The following ITPR1 variants were observed in gnomAD, a reference collection of about 807,000 sequenced individuals.
ITPR1 encodes the protein inositol 1,4,5-trisphosphate-gated calcium channel ITPR1.
In ITPR1, 96 loss-of-function variants were observed where a neutral mutation model predicts 318.4. The observed-to-expected ratio is 0.30, with a 90% CI of 0.26 to 0.36. ITPR1 has a LOEUF of 0.36. Ranked by LOEUF, ITPR1 falls within the 10% of genes least tolerant of loss-of-function variation. ITPR1 has a pLI of 1.00. For missense variants in ITPR1, 2,440 were observed against 3,460.2 expected (o/e 0.71, Z 7.40); for synonymous variants, 1,312 against 1,289.9 (o/e 1.02, Z -0.37).
At chr3:4,586,531 A>G (rs532957436) in intron 4 of ITPR1, among the ~76,000 whole-genome samples, 2 of 131,052 alleles carry the variant, frequency 1.5e-5, no homozygotes, top group East Asian at 2.2e-4. Flanking sequence ...TTTTTTTGAG[A>G]CAAGGTCTTG....
intron 4 of ITPR1, among the ~76,000 whole-genome samples, chr3:4,624,078 G>T (rs1471782521): frequency 6.6e-6 from 1 of 152,154 alleles, no homozygotes; most frequent in Non-Finnish European, 1.5e-5. Context: ...GCTTTCCATT[G>T]TCTGTTATCC....
At chr3:4,842,183 T>A (rs1224843499) in intron 61 of ITPR1, among the ~76,000 whole-genome samples, 1 of 152,274 alleles carries the variant, frequency 6.6e-6, no homozygotes, top group African/African-American at 2.4e-5. Flanking sequence ...ATGAACAGTC[T>A]TTCAGATGTC....
At chr3:4,762,961 G>A (rs2045556565) in intron 44 of ITPR1, among the ~76,000 whole-genome samples, 1 of 152,156 alleles carries the variant, frequency 6.6e-6, no homozygotes, top group Non-Finnish European at 1.5e-5. Context: ...ATGATAGACT[G>A]GATAAAGAAA....
chr3:4,591,823 T>C (rs1280017915), intron 4 of ITPR1, among the ~76,000 whole-genome samples: 1 of 152,214 alleles, frequency 6.6e-6, no homozygotes, highest in East Asian at 1.9e-4. Context: ...TTGAACATAA[T>C]GGCTCACTTC....
intron 10 of ITPR1, 60 bp from the exon 11 acceptor site, chr3:4,652,063 A>G (rs2093609570): frequency 7.7e-7 from 1 of 1,297,898 alleles, no homozygotes; most frequent in African/African-American, 1.5e-5. Flanking sequence ...GATACCTCCG[A>G]TTTAATGTCT....
chr3:4,700,567 A>G lies in ITPR1; in HGVS notation c.4536+626A>G, dbSNP rs6762558. On this transcript the variant is annotated intron_variant, in intron 35 of 61. Transcript: ENST00000649015. ...ATGGAGGATGGGATGTAAAAGAGGC[A>G]GAACAAGATCAGGAGTTTTCATGCA... is the stretch of plus-strand genomic sequence containing the variant. 0.33 allele frequency among the ~76,000 whole-genome samples: 49,783 copies of G among 152,070 alleles called. 8,586 individuals are homozygous for G. Among genetic ancestry groups the G allele is most frequent in the Non-Finnish European group, 0.38 (26,109 of 67,966 alleles).
At chr3:4,680,510 G>GT in intron 24 of ITPR1, 43 bp from the exon 25 acceptor site, 1 of 1,595,578 alleles carries the variant, frequency 6.3e-7, no homozygotes, top group South Asian at 1.1e-5. Context: ...AAGATGGTAT[G>GT]TTAATGTAAC....
At chr3:4,748,217 C>T (rs540671934) in intron 44 of ITPR1, among the ~76,000 whole-genome samples, 52 of 152,312 alleles carry the variant, frequency 3.4e-4, no homozygotes, top group African/African-American at 1.3e-3. Flanking sequence ...TCTCAGCTTT[C>T]TCCCATGCTA....
intron 42 of ITPR1, among the ~76,000 whole-genome samples, chr3:4,732,386 A>T (rs535965842): frequency 6.6e-5 from 10 of 152,332 alleles, no homozygotes; most frequent in African/African-American, 2.4e-4. Context: ...CTGTCAGCTC[A>T]TGCCCACTCT....
chr3:4,766,765 G>C, intron 45 of ITPR1, 55 bp downstream of exon 45: 3 of 1,377,922 alleles, frequency 2.2e-6, no homozygotes, highest in Non-Finnish European at 3.0e-6. Flanking sequence ...AAGAGTCCTT[G>C]TTATCCTTCA....
chr3:4,556,832 G>A (rs1055990053), intron 4 of ITPR1, among the ~76,000 whole-genome samples: 3 of 152,090 alleles, frequency 2.0e-5, no homozygotes, highest in Admixed American at 6.6e-5. Context: ...TAAATACCAA[G>A]GATCATCAGA....
intron 55 of ITPR1, among the ~76,000 whole-genome samples, chr3:4,810,414 G>A (rs1357361844): frequency 6.6e-6 from 1 of 152,162 alleles, no homozygotes; most frequent in East Asian, 1.9e-4. Flanking sequence ...TACCTACAAG[G>A]ATCCTCCATT....
chr3:4,563,211 A>T (rs748034735), intron 4 of ITPR1, among the ~76,000 whole-genome samples: 22 of 152,102 alleles, frequency 1.4e-4, no homozygotes, highest in Middle Eastern at 3.2e-3. Context: ...AGTAGTCAAG[A>T]CCATGTAAAA....
chr3:4,531,979 A>T (rs916769417), intron 4 of ITPR1, among the ~76,000 whole-genome samples: 3 of 152,192 alleles, frequency 2.0e-5, no homozygotes, highest in Non-Finnish European at 4.4e-5. Context: ...AAAATGGGGA[A>T]ATTATTATGT....
intron 4 of ITPR1, among the ~76,000 whole-genome samples, chr3:4,596,792 C>T (rs1160765605): frequency 2.0e-5 from 3 of 152,176 alleles, no homozygotes. Context: ...CCTCCATGCT[C>T]ATTATATAGG....
chr3:4,827,254 A>G (rs1445796560), intron 60 of ITPR1, among the ~76,000 whole-genome samples: 2 of 152,052 alleles, frequency 1.3e-5, no homozygotes, highest in African/African-American at 4.8e-5. Flanking sequence ...TCCTAACTAC[A>G]TTTGTAACTC....
chr3:4,774,735 C>G (rs533509468), intron 46 of ITPR1, among the ~76,000 whole-genome samples: 5 of 152,236 alleles, frequency 3.3e-5, no homozygotes, highest in Admixed American at 6.5e-5. Context: ...AATGGCCAAA[C>G]AAGTAATCCA....
intron 60 of ITPR1, among the ~76,000 whole-genome samples, chr3:4,819,609 T>C (rs1406802032): frequency 6.6e-6 from 1 of 152,190 alleles, no homozygotes; most frequent in Non-Finnish European, 1.5e-5. Context: ...TTTACATACA[T>C]TTGGCCCTCT....
Position 4,589,933 on chromosome 3 carries a change from T to G in ITPR1, c.164-37830T>G, listed in dbSNP as rs539724646. On this transcript the variant is annotated intron_variant, in intron 4 of 61. Transcript: ENST00000649015. ...GGCCTATCTCGGGCTCTCCTGGTTC[T>G]TTCAGCTCTAACCATACTGGCTGCT... Among the ~76,000 whole-genome samples the G allele has an allele frequency of 3.9e-5, 6 of 152,288 alleles. No homozygotes were observed. In the East Asian group the frequency reaches 1.2e-3, roughly 29 times the overall value.
Sources: gnomAD v4.1 joint callset for allele counts (sites outside exome capture counted in the v4.1 genomes callset) on GRCh38, gnomAD v4.1.1 for gene constraint, MANE v1.5 for transcripts, NCBI Gene and HGNC (gene_info 2026-07-23, HGNC 2026-07-21) for gene names.